Variants in ETS1 observed in about 807,000 individuals in gnomAD.
The protein encoded by ETS1 is protein C-ets-1.
In ETS1, 15 loss-of-function variants were observed where a neutral mutation model predicts 58.6. That is an observed-to-expected ratio of 0.26 (90% CI 0.17 to 0.39). ETS1 has a LOEUF of 0.39. ETS1 is among the 10% of genes least tolerant of loss of function. The probability of loss-of-function intolerance (pLI) is 1.00; values close to 1 mark genes in which losing one functional copy is unlikely to be tolerated. For synonymous variants in ETS1, 214 were observed against 218.2 expected (o/e 0.98, Z 0.17); for missense variants, 417 against 610.5 (o/e 0.68, Z 3.34).
chr11:128,462,418 C>G lies in ETS1; in HGVS notation c.1401G>C (p.Gly467=). The G allele has an allele frequency of 6.2e-7, 1 of 1,614,164 alleles. No homozygotes were observed. Among genetic ancestry groups the G allele is most frequent in the Non-Finnish European group, 8.5e-7 (1 of 1,180,010 alleles). The change falls in exon 10 of 10, where the codon GGG becomes GGC. Residue 467 remains glycine (G), a synonymous_variant. Transcript: ENST00000392668. ...TGGCGTGCAGCTCCTCAGGGGTGTACCCCAGCAGGCTCTGCAGGTCACACA... is the reference window on the plus strand; with the variant it reads ...TGGCGTGCAGCTCCTCAGGGGTGTAGCCCAGCAGGCTCTGCAGGTCACACA... ...RFVCDLQSLL[G]YTPEELHAML...
chr11:128,576,969 G>A (rs147339328), intron 1 of ETS1, among the ~76,000 whole-genome samples: 30 of 152,274 alleles, frequency 2.0e-4, no homozygotes, highest in African/African-American at 7.2e-4. Flanking sequence ...TTCCCAAAGT[G>A]TATTTCTATC....
At chr11:128,481,978 C>T (rs1862499616) in intron 7 of ETS1, among the ~76,000 whole-genome samples, 2 of 152,178 alleles carry the variant, frequency 1.3e-5, no homozygotes, top group African/African-American at 4.8e-5. Context: ...CCTTCCTCCA[C>T]TCATCCATTC....
chr11:128,567,791 C>A (rs1313845858), intron 2 of ETS1, among the ~76,000 whole-genome samples: 4 of 152,118 alleles, frequency 2.6e-5, no homozygotes, highest in African/African-American at 9.7e-5. Flanking sequence ...CAATACCACA[C>A]CCGGCTAATT....
chr11:128,470,555 G>A (rs1167220767), intron 8 of ETS1, among the ~76,000 whole-genome samples: 1 of 152,094 alleles, frequency 6.6e-6, no homozygotes, highest in Non-Finnish European at 1.5e-5. Context: ...TAGACAGAGA[G>A]AGAGAAAGAC....
chr11:128,569,318 C>CTTTTTTTTTTTTTTTTTTTT lies in ETS1; in HGVS notation c.69+3724_69+3743dup. ...TACCATACATGGGACAGAGTTTCTT[C>CTTTTTTTTTTTTTTTTTTTT]TTTTTTTTTTTTTTTTTTTTTTTTG... On this transcript the variant is annotated intron_variant, in intron 2 of 9. Transcript: ENST00000392668. Among the ~76,000 whole-genome samples, 338 of 39,464 alleles carry CTTTTTTTTTTTTTTTTTTTT rather than the reference C, an allele frequency of 8.6e-3. 119 individuals are homozygous for CTTTTTTTTTTTTTTTTTTTT. Among genetic ancestry groups the CTTTTTTTTTTTTTTTTTTTT allele is most frequent in the Non-Finnish European group, 0.01 (227 of 22,442 alleles). The allele number at this position is 39,464 out of a possible 152,430, so 25.9% of individuals were successfully genotyped here.
chr11:128,539,633 C>A (rs1272029321), intron 3 of ETS1, among the ~76,000 whole-genome samples: 1 of 152,116 alleles, frequency 6.6e-6, no homozygotes, highest in Non-Finnish European at 1.5e-5. Flanking sequence ...AAATTCTACC[C>A]CTGGAGAAAT....
chr11:128,504,292 C>T (rs932963146), intron 3 of ETS1, among the ~76,000 whole-genome samples: 3 of 152,176 alleles, frequency 2.0e-5, no homozygotes, highest in African/African-American at 2.4e-5. Flanking sequence ...ACTATCAGCC[C>T]GAGTCCTCTC....
chr11:128,569,830 G>C (rs1057496372), intron 2 of ETS1, among the ~76,000 whole-genome samples: 2 of 152,202 alleles, frequency 1.3e-5, no homozygotes, highest in Admixed American at 6.5e-5. Flanking sequence ...AGTTAGGAGT[G>C]AAAGTGCAAG....
intron 2 of ETS1, among the ~76,000 whole-genome samples, chr11:128,564,543 G>A (rs1299384947): frequency 5.3e-5 from 8 of 152,154 alleles, no homozygotes; most frequent in Non-Finnish European, 1.2e-4. Flanking sequence ...ACTCATACCA[G>A]CCTGAGACCA....
At position 128,545,996 on chromosome 11, in the gene ETS1, G is replaced by A. The variant is rs542981792; in HGVS notation, c.214+10295C>T. ...TCAACTCTCCAGGAACAGCCCACAG[G>A]CATTTCTGTCTCAAGGAGCTAGCCA... On this transcript the variant is annotated intron_variant, in intron 3 of 9. Transcript: ENST00000392668. Among the ~76,000 whole-genome samples the A allele has an allele frequency of 2.6e-5, 4 of 152,320 alleles. No homozygotes were observed. The East Asian group carries it at 5.8e-4, about 22-fold the overall frequency.
At chr11:128,524,397 C>T (rs1257670015) in intron 3 of ETS1, among the ~76,000 whole-genome samples, 3 of 152,116 alleles carry the variant, frequency 2.0e-5, no homozygotes, top group Non-Finnish European at 2.9e-5. Flanking sequence ...GATAGCCAGG[C>T]GCCACCACAG....
rs1386548703 is a variant in ETS1 at position 128,459,464 on chromosome 11, T to C, written c.*2897A>G. ...CCCACAGCCACAAAAATCAGGGCTC[T>C]ATGTAGGGGAAGTCCCTCTCCAGAA... is the stretch of plus-strand genomic sequence containing the variant. On this transcript the variant is annotated 3_prime_UTR_variant, in exon 10 of 10. Transcript: ENST00000392668. 2 of 152,768 alleles carry C rather than the reference T, an allele frequency of 1.3e-5. No individual in the cohort carries two copies. The highest frequency in any genetic ancestry group is 2.9e-5 in the Non-Finnish European group (2 of 68,030). The allele number at this position is 152,768 out of a possible 1,614,324, so 9.5% of individuals were successfully genotyped here. A position where few individuals can be genotyped will look rare whatever the true frequency, so the allele number is the denominator to read the frequency against.
intron 8 of ETS1, among the ~76,000 whole-genome samples, chr11:128,476,315 A>G (rs938060000): frequency 6.6e-6 from 1 of 152,222 alleles, no homozygotes; most frequent in Non-Finnish European, 1.5e-5. Flanking sequence ...CCACATGCAT[A>G]TAGTGTTCAT....
At chr11:128,501,657 CCATAA>C (rs1863092859) in intron 3 of ETS1, among the ~76,000 whole-genome samples, 1 of 152,166 alleles carries the variant, frequency 6.6e-6, no homozygotes. Context: ...GTACTGATCC[CCATAA>C]CATAACATCA....
chr11:128,498,331 C>T (rs923542912), intron 3 of ETS1, among the ~76,000 whole-genome samples: 14 of 152,072 alleles, frequency 9.2e-5, no homozygotes, highest in South Asian at 2.1e-4. Flanking sequence ...TACAAATAAG[C>T]GACTGAGAAA....
At chr11:128,524,298 C>T (rs747578752) in intron 3 of ETS1, among the ~76,000 whole-genome samples, 7 of 152,200 alleles carry the variant, frequency 4.6e-5, no homozygotes, top group Non-Finnish European at 1.0e-4. Flanking sequence ...GTCAATCATC[C>T]GTTTCCTAAT....
intron 3 of ETS1, among the ~76,000 whole-genome samples, chr11:128,514,916 A>C (rs1472556017): frequency 6.6e-6 from 1 of 152,024 alleles, no homozygotes; most frequent in East Asian, 1.9e-4. Flanking sequence ...TAGTTTTACA[A>C]TTTCCTTTCA....
chr11:128,563,531 T>G (rs920245262), intron 2 of ETS1, among the ~76,000 whole-genome samples: 1 of 152,158 alleles, frequency 6.6e-6, no homozygotes, highest in Non-Finnish European at 1.5e-5. Flanking sequence ...GCCTCCATGA[T>G]CTCCAAGTTC....
intron 2 of ETS1, chr11:128,572,297 T>G (rs2135580462): frequency 6.6e-6 from 1 of 151,882 alleles, no homozygotes; most frequent in East Asian, 1.9e-4. Context: ...TAAAATAAAC[T>G]TATCTGTCCG....
Sources: allele counts gnomAD v4.1 joint callset (sites outside exome capture counted in the v4.1 genomes callset), GRCh38; gene constraint gnomAD v4.1.1; transcripts MANE v1.5; gene names NCBI Gene and HGNC (gene_info 2026-07-23, HGNC 2026-07-21).